CANX: variants seen among roughly 807,000 people sequenced by gnomAD.
CANX encodes the protein calnexin.
A neutral mutation model predicts 75.7 loss-of-function variants in CANX; 14 were observed. The observed-to-expected ratio is 0.19, with a 90% CI of 0.12 to 0.29. The LOEUF is 0.29. Among genes scored for constraint, CANX ranks in the 10% least tolerant of loss-of-function variants. The pLI, the probability that CANX is intolerant of heterozygous loss-of-function variation, is 1.00. For missense variants in CANX, 567 were observed against 713.2 expected (o/e 0.79, Z 2.34); for synonymous variants, 227 against 236.9 (o/e 0.96, Z 0.38).
intron 1 of CANX, among the ~76,000 whole-genome samples, 164 bp downstream of exon 1, chr5:179,699,266 G>A (rs1384259720): frequency 6.6e-6 from 1 of 152,094 alleles, no homozygotes; most frequent in South Asian, 2.1e-4. Flanking sequence ...GAGGAGGCCC[G>A]AATCCGGGCG....
At chr5:179,711,147 C>T (rs1777525097) in intron 7 of CANX, among the ~76,000 whole-genome samples, 3 of 152,088 alleles carry the variant, frequency 2.0e-5, no homozygotes, top group Non-Finnish European at 4.4e-5. Flanking sequence ...TTCTTGGCCA[C>T]GTATGGTGGC....
At chr5:179,703,359 A>G (rs1776899609) in intron 1 of CANX, among the ~76,000 whole-genome samples, 1 of 152,002 alleles carries the variant, frequency 6.6e-6, no homozygotes, top group Admixed American at 6.6e-5. Flanking sequence ...CTGCGGCTAC[A>G]GGTGTGCGCC....
chr5:179,680,830 T>C, intron 1 of CANX: 1 of 1,479,542 alleles, frequency 6.8e-7, no homozygotes, highest in African/African-American at 1.4e-5. Context: ...CATAATACAC[T>C]TATCCCTCAC....
In CANX at chr5:179,707,199, C is replaced by A. The variant is rs751566821; in HGVS notation, c.304+9C>A. The stretch of plus-strand genomic sequence containing the variant: ...AATTGCCAAATATGATGGTGAGAAT[C>A]CCATTTGGTTTAGATATAATAGCAG... On this transcript the variant is annotated intron_variant, in intron 4 of 14. Transcript: ENST00000247461. 4 of 1,508,866 alleles carry A rather than the reference C, an allele frequency of 2.7e-6. No homozygotes were observed. The highest frequency in any genetic ancestry group is 3.7e-6 in the Non-Finnish European group (4 of 1,084,320). The allele number at this position is 1,508,866 out of a possible 1,614,324, so 93.5% of individuals were successfully genotyped here.
chr5:179,726,830 T>A, intron 14 of CANX, 71 bp downstream of exon 14: 1 of 1,176,658 alleles, frequency 8.5e-7, no homozygotes, highest in Non-Finnish European at 1.3e-6. Flanking sequence ...AATATTTTAA[T>A]AGGGTAGTTT....
intron 13 of CANX, among the ~76,000 whole-genome samples, chr5:179,726,348 G>A (rs187511600): frequency 2.0e-5 from 3 of 152,170 alleles, no homozygotes; most frequent in East Asian, 3.9e-4. Flanking sequence ...GGAGGCCACC[G>A]AGGAGATCAT....
At chr5:179,679,306 G>A in intron 1 of CANX, 2 of 1,448,572 alleles carry the variant, frequency 1.4e-6, no homozygotes. Context: ...GCTTGGTACA[G>A]GCCGCCTCTC....
In CANX at chr5:179,705,853, G is replaced by A; in HGVS notation, c.171+1G>A. ...CACTGCTCCTCCTTCATCTCCCAAG[G>A]TTTGAAATGGTCTTTGAATCTATTC... On this transcript the variant is annotated splice_donor_variant, in intron 2 of 14. Transcript: ENST00000247461. LOFTEE classifies it high-confidence loss of function. The A allele has an allele frequency of 6.2e-7, 1 of 1,611,474 alleles. No individual in the cohort carries two copies. The highest frequency in any genetic ancestry group is 8.5e-7 in the Non-Finnish European group (1 of 1,177,806).
chr5:179,703,660 TAGAC>T (rs1196766815), intron 1 of CANX, among the ~76,000 whole-genome samples: 1 of 151,716 alleles, frequency 6.6e-6, no homozygotes, highest in Non-Finnish European at 1.5e-5. Flanking sequence ...TTTTTTTGTA[TAGAC>T]AGGGTCAGGC....
At chr5:179,700,555 T>G (rs1327365998) in intron 1 of CANX, 3 of 152,604 alleles carry the variant, frequency 2.0e-5, no homozygotes, top group Non-Finnish European at 4.4e-5. Context: ...ATGAGAATGC[T>G]CGAGTGAACT....
At chr5:179,726,278 C>T (rs567873603) in intron 13 of CANX, among the ~76,000 whole-genome samples, 48 of 145,012 alleles carry the variant, frequency 3.3e-4, no homozygotes, top group Admixed American at 6.9e-4. Context: ...CAAGCAAAGT[C>T]GATCTCAAAA....
chr5:179,723,209 CTGTT>C (rs1356922501), intron 11 of CANX, among the ~76,000 whole-genome samples, 190 bp downstream of exon 11: 8 of 151,282 alleles, frequency 5.3e-5, no homozygotes, highest in African/African-American at 7.3e-5. Flanking sequence ...GCTTTAGAGT[CTGTT>C]TGTGTTCAGG....
chr5:179,722,956 A>G lies in CANX; in HGVS notation c.1335A>G (p.Arg445=). 2 of 1,614,100 alleles carry G rather than the reference A, an allele frequency of 1.2e-6. No individual in the cohort carries two copies. The highest frequency in any genetic ancestry group is 1.7e-6 in the Non-Finnish European group (2 of 1,180,024). Reference sequence around the variant, plus strand: ...ACTTTATCATTTGTGCTGATCGAAGAATAGTTGATGATTGGGCCAATGATG... The same window carrying G: ...ACTTTATCATTTGTGCTGATCGAAGGATAGTTGATGATTGGGCCAATGATG... ...FDNFIICADR[R]IVDDWANDGW... The change falls in exon 11 of 15, where the codon AGA becomes AGG. Residue 445 remains arginine (R), a synonymous_variant. Transcript: ENST00000247461.
intron 7 of CANX, chr5:179,715,874 AACTATCAT>A: frequency 1.7e-6 from 1 of 583,462 alleles, no homozygotes; most frequent in Non-Finnish European, 3.1e-6. Flanking sequence ...TAAAGATTTT[AACTATCAT>A]TTGCTGTAAT....
rs1778399240 is a variant in CANX, at chr5:179,722,837, G to A, written c.1216G>A (p.Asp406Asn). 6.2e-7 allele frequency: 1 copy of A among 1,613,256 alleles called. No homozygotes were observed. Among genetic ancestry groups the A allele is most frequent in the African/African-American group, 1.3e-5 (1 of 74,846 alleles). ...GAAACCCAGGAAAATACCAAATCCA[G>A]ATTTCTTTGAAGATCTGGAACCTTT... ...IWKPRKIPNP[D>N]FFEDLEPFRM... The change falls in exon 11 of 15, where the codon GAT (aspartate) becomes AAT (asparagine). Residue 406 changes from aspartate to asparagine, a missense_variant. Asp to Asn is a conservative substitution (Grantham distance 23, BLOSUM62 1). Around this residue, in one of 3 missense-constraint regions of CANX, gnomAD observed 49 missense variants for 100.1 expected, o/e 0.49. Transcript: ENST00000247461.
chr5:179,681,501 G>A (rs12515399), intron 1 of CANX, among the ~76,000 whole-genome samples: 67,430 of 152,034 alleles, frequency 0.44, 15,120 homozygotes, highest in South Asian at 0.55. Context: ...GTGGTCTCAC[G>A]TGGAGACTAG....
intron 1 of CANX, chr5:179,679,261 C>T (rs1301975407): frequency 2.6e-6 from 4 of 1,521,532 alleles, no homozygotes; most frequent in African/African-American, 1.4e-5. Flanking sequence ...AGCCAGGGGG[C>T]GCTGCTGGGA....
chr5:179,719,579 A>AT (rs1425345169), intron 8 of CANX, 89 bp from the exon 9 acceptor site: 9 of 602,428 alleles, frequency 1.5e-5, no homozygotes, highest in South Asian at 2.8e-5. Flanking sequence ...TTAAAAACAA[A>AT]TTTTTTTAGA....
intron 1 of CANX, among the ~76,000 whole-genome samples, chr5:179,682,364 C>T (rs1776086244): frequency 6.6e-6 from 1 of 150,898 alleles, no homozygotes; most frequent in Non-Finnish European, 1.5e-5. Context: ...ATCATGAGGT[C>T]AGGAGATCGA....
Sources: gnomAD v4.1 joint callset for allele counts (sites outside exome capture counted in the v4.1 genomes callset) on GRCh38, gnomAD v4.1.1 for gene constraint, gnomAD v4.1.1 regional missense constraint, MANE v1.5 for transcripts, NCBI Gene and HGNC (gene_info 2026-07-23, HGNC 2026-07-21) for gene names.